The following MTCL3 variants were observed in gnomAD, a reference collection of about 807,000 sequenced individuals.
MTCL3 encodes MTCL family member 3.
the MTCL3 span, chr6:127,518,706 G>C: frequency 1.3e-5 from 2 of 152,174 alleles, no homozygotes. Context: ...TCATATTATT[G>C]TATGCGACTT....
At chr6:127,518,613 CA>C in the MTCL3 span, 41,207 of 152,194 alleles carry the variant, frequency 0.27, 6,875 homozygotes, top group East Asian at 0.67. Flanking sequence ...AGTAGCTGAA[CA>C]AATCAACAGC....
the MTCL3 span, among the ~76,000 whole-genome samples, chr6:127,486,165 T>C: frequency 6.6e-6 from 1 of 152,186 alleles, no homozygotes; most frequent in Non-Finnish European, 1.5e-5. Flanking sequence ...ATTAGGGCAT[T>C]CTTTCCTAAG....
At chr6:127,500,972 T>C in the MTCL3 span, among the ~76,000 whole-genome samples, 24 of 152,150 alleles carry the variant, frequency 1.6e-4, no homozygotes, top group Non-Finnish European at 2.8e-4. Flanking sequence ...CCATCACGCC[T>C]GGCTAATTTT....
At chr6:127,510,423 T>C in the MTCL3 span, among the ~76,000 whole-genome samples, 1 of 152,226 alleles carries the variant, frequency 6.6e-6, no homozygotes, top group Non-Finnish European at 1.5e-5. Context: ...TCCCAAGCTC[T>C]ACCCTTTCTT....
the MTCL3 span, chr6:127,514,700 C>T: frequency 2.7e-6 from 2 of 740,770 alleles, no homozygotes; most frequent in Non-Finnish European, 2.2e-6. Context: ...GTTAGCGCTA[C>T]GAAACTGTGT....
the MTCL3 span, among the ~76,000 whole-genome samples, chr6:127,506,173 GA>G: frequency 3.3e-5 from 5 of 152,000 alleles, no homozygotes; most frequent in Non-Finnish European, 7.4e-5. Flanking sequence ...CATGGCTAAT[GA>G]AAAAATGACT....
chr6:127,475,494 G>A, the MTCL3 span: 93 of 1,613,366 alleles, frequency 5.8e-5, no homozygotes, highest in African/African-American at 1.2e-3. This position sits in a 1 kb window ranked among gnomAD's most constrained non-coding sequence, Gnocchi z 7.3. Context: ...CCACGTAGAT[G>A]CGCGCCTCGG....
chr6:127,491,986 G>A, the MTCL3 span, among the ~76,000 whole-genome samples: 2 of 151,814 alleles, frequency 1.3e-5, no homozygotes, highest in Non-Finnish European at 1.5e-5. Context: ...CAGAAATGGC[G>A]TGCTGGTTCT....
At chr6:127,495,130 G>C in the MTCL3 span, among the ~76,000 whole-genome samples, 3 of 151,738 alleles carry the variant, frequency 2.0e-5, no homozygotes, top group Non-Finnish European at 4.4e-5. Flanking sequence ...CTAGGAGGCG[G>C]AGCTTGCAGT....
chr6:127,475,557 C>A, the MTCL3 span: 1 of 1,610,780 alleles, frequency 6.2e-7, no homozygotes. The surrounding 1 kb of genome is among the most constrained non-coding windows in gnomAD (Gnocchi z 7.3). Context: ...TGCCCAGGCG[C>A]TCGGCCTCCG....
chr6:127,489,085 C>T, the MTCL3 span, among the ~76,000 whole-genome samples: 1 of 152,156 alleles, frequency 6.6e-6, no homozygotes, highest in African/African-American at 2.4e-5. Context: ...AAAGCATGTG[C>T]TCATTTTGTG....
the MTCL3 span, among the ~76,000 whole-genome samples, chr6:127,497,450 G>T: frequency 6.6e-6 from 1 of 152,172 alleles, no homozygotes; most frequent in Non-Finnish European, 1.5e-5. Context: ...CCATGTTGAG[G>T]TTTATTCTTT....
the MTCL3 span, chr6:127,514,849 A>G: frequency 6.2e-7 from 1 of 1,613,418 alleles, no homozygotes; most frequent in Non-Finnish European, 8.5e-7. Context: ...AGGCTGCGCA[A>G]CAGCTCCCCG....
At chr6:127,516,060 C>G in the MTCL3 span, 2 of 1,532,902 alleles carry the variant, frequency 1.3e-6, no homozygotes, top group Non-Finnish European at 1.7e-6. Context: ...GCGGAGCGCC[C>G]CCCTCCCTTT....
the MTCL3 span, among the ~76,000 whole-genome samples, chr6:127,491,656 G>C: frequency 6.6e-6 from 1 of 151,974 alleles, no homozygotes; most frequent in Non-Finnish European, 1.5e-5. Flanking sequence ...GCCTATAAAT[G>C]GGAATATGTG....
At chr6:127,485,538 A>G in the MTCL3 span, among the ~76,000 whole-genome samples, 1 of 152,172 alleles carries the variant, frequency 6.6e-6, no homozygotes, top group Non-Finnish European at 1.5e-5. Flanking sequence ...ATATACAAAG[A>G]CACAAGGGTG....
At chr6:127,512,652 A>G in the MTCL3 span, among the ~76,000 whole-genome samples, 3 of 152,324 alleles carry the variant, frequency 2.0e-5, no homozygotes, top group South Asian at 6.2e-4. Flanking sequence ...AGACACAGAG[A>G]TGAAACACAG....
chr6:127,489,372 C>G, the MTCL3 span, among the ~76,000 whole-genome samples: 3 of 152,304 alleles, frequency 2.0e-5, no homozygotes, highest in South Asian at 6.2e-4. Flanking sequence ...ACAATGGCCT[C>G]TAAGTTTTCA....
the MTCL3 span, chr6:127,475,396 T>G: frequency 6.2e-7 from 1 of 1,613,344 alleles, no homozygotes; most frequent in Non-Finnish European, 8.5e-7. This position sits in a 1 kb window ranked among gnomAD's most constrained non-coding sequence, Gnocchi z 7.3. Flanking sequence ...GGCCTTCATC[T>G]GAGCGTTGAT....
Sources: allele counts gnomAD v4.1 joint callset (sites outside exome capture counted in the v4.1 genomes callset), GRCh38; gene constraint gnomAD v4.1.1; non-coding constraint Gnocchi (gnomAD v3.1); transcripts MANE v1.5; gene names NCBI Gene and HGNC (gene_info 2026-07-23, HGNC 2026-07-21).